SNX13: variants seen among roughly 807,000 people sequenced by gnomAD.
SNX13 encodes the protein sorting nexin 13.
In SNX13, 45 loss-of-function variants were observed where a neutral mutation model predicts 133.6. The observed-to-expected ratio is 0.34, with a 90% CI of 0.27 to 0.43. SNX13 has a LOEUF of 0.43. Ranked by LOEUF, SNX13 falls within the 20% of genes least tolerant of loss-of-function variation. SNX13 has a pLI of 1.00. For synonymous variants in SNX13, 414 were observed against 373.9 expected (o/e 1.11, Z -1.24); for missense variants, 1,032 against 1,145.1 (o/e 0.90, Z 1.43).
rs567813565 is a variant in SNX13, at chr7:17,908,911, G to A, written c.13-11465C>T. ...TCAGAGGAAGCATCTTGGAAAATGC[G>A]ACACCTAAGATTAGTCTCCAAGAAT... On this transcript the variant is annotated intron_variant, in intron 1 of 25. Transcript: ENST00000428135. 1.4e-4 allele frequency among the ~76,000 whole-genome samples: 21 copies of A among 152,240 alleles called. No homozygotes were observed. In the South Asian group the frequency reaches 4.1e-3, roughly 30 times the overall value.
intron 18 of SNX13, among the ~76,000 whole-genome samples, chr7:17,817,183 A>C (rs1786758386): frequency 6.6e-6 from 1 of 152,232 alleles, no homozygotes; most frequent in African/African-American, 2.4e-5. Flanking sequence ...TCTAGCACTT[A>C]TGGACTTAAC....
chr7:17,901,476 G>A (rs543271764), intron 1 of SNX13, among the ~76,000 whole-genome samples: 1 of 152,264 alleles, frequency 6.6e-6, no homozygotes, highest in East Asian at 1.9e-4. Context: ...GCTGGACTCA[G>A]GTTCCAACCA....
intron 18 of SNX13, among the ~76,000 whole-genome samples, chr7:17,817,081 T>C (rs1369033651): frequency 6.6e-6 from 1 of 152,194 alleles, no homozygotes; most frequent in Admixed American, 6.5e-5. Flanking sequence ...CATAAACTCA[T>C]AGATTACACT....
At chr7:17,914,579 A>G (rs1216061998) in intron 1 of SNX13, among the ~76,000 whole-genome samples, 1 of 152,222 alleles carries the variant, frequency 6.6e-6, no homozygotes, top group Non-Finnish European at 1.5e-5. Flanking sequence ...CATTTTAAGC[A>G]TTCTTAAAGA....
intron 15 of SNX13, chr7:17,832,580 C>T (rs548072075): frequency 1.5e-6 from 1 of 678,928 alleles, no homozygotes; most frequent in Non-Finnish European, 1.8e-6. Flanking sequence ...GACAGAGCTG[C>T]TATTGCAAAT....
intron 15 of SNX13, chr7:17,832,470 C>A (rs1524776): frequency 0.53 from 522,393 of 982,122 alleles, 141,994 homozygotes; most frequent in African/African-American, 0.79. Flanking sequence ...TCTGAGTCAC[C>A]TAGCAAATCC....
chr7:17,816,919 G>T (rs10247149), intron 18 of SNX13, among the ~76,000 whole-genome samples: 1 of 151,976 alleles, frequency 6.6e-6, no homozygotes, highest in South Asian at 2.1e-4. Context: ...ATAATAAAAG[G>T]TTTTAAAAAA....
chr7:17,830,609 T>A, intron 15 of SNX13: 3 of 984,140 alleles, frequency 3.0e-6, no homozygotes, highest in Non-Finnish European at 3.6e-6. Flanking sequence ...AAACTGCATA[T>A]GCAATTCCAT....
In SNX13 at chr7:17,805,254, T is replaced by TGCGCGCGC. The variant is rs56000068; in HGVS notation, c.2065-1682_2065-1675dup. Among the ~76,000 whole-genome samples, 166 of 132,514 alleles carry TGCGCGCGC rather than the reference T, an allele frequency of 1.3e-3. 2 individuals carry two copies. The highest frequency in any genetic ancestry group is 2.3e-3 in the African/African-American group (84 of 37,222). 86.9% of individuals were successfully genotyped at this position (132,514 alleles called of 152,430 possible). On this transcript the variant is annotated intron_variant, in intron 20 of 25. Transcript: ENST00000428135. ...GTGTGTGTGTGTGTGTGTGTGTGCGTGCGCGCGCGCGCATGCATGCACATG... is the reference window on the plus strand; with the variant it reads ...GTGTGTGTGTGTGTGTGTGTGTGCGTGCGCGCGCGCGCGCGCGCGCATGCATGCACATG...
chr7:17,858,072 C>G (rs1011605364), intron 9 of SNX13, among the ~76,000 whole-genome samples: 2 of 152,094 alleles, frequency 1.3e-5, no homozygotes, highest in African/African-American at 4.8e-5. Flanking sequence ...CAGTTAACAT[C>G]ATATTGAGTG....
chr7:17,842,672 T>C (rs1364108426), intron 12 of SNX13, among the ~76,000 whole-genome samples: 1 of 152,076 alleles, frequency 6.6e-6, no homozygotes, highest in Non-Finnish European at 1.5e-5. Context: ...CCAGAAATAT[T>C]GTACTTTGTT....
intron 18 of SNX13, among the ~76,000 whole-genome samples, chr7:17,820,324 A>G (rs928867087): frequency 6.6e-6 from 1 of 152,166 alleles, no homozygotes; most frequent in Non-Finnish European, 1.5e-5. Flanking sequence ...GGATGGGAAT[A>G]AAAAGATATA....
intron 1 of SNX13, among the ~76,000 whole-genome samples, chr7:17,930,670 C>A (rs997791036): frequency 6.6e-6 from 1 of 152,138 alleles, no homozygotes; most frequent in Non-Finnish European, 1.5e-5. Context: ...ATTTCAGTTT[C>A]TTTTCCTGTA....
intron 12 of SNX13, among the ~76,000 whole-genome samples, chr7:17,842,990 A>G (rs1790081161): frequency 6.6e-6 from 1 of 152,112 alleles, no homozygotes; most frequent in South Asian, 2.1e-4. Flanking sequence ...AAAAAAATCA[A>G]CTAAATACAA....
chr7:17,879,698 G>A (rs1795125731), intron 5 of SNX13: 1 of 152,216 alleles, frequency 6.6e-6, no homozygotes, highest in Admixed American at 6.5e-5. Flanking sequence ...ATTCTAAGCA[G>A]TGTACAGCTC....
chr7:17,925,578 A>T (rs953697620), intron 1 of SNX13, among the ~76,000 whole-genome samples: 1 of 152,212 alleles, frequency 6.6e-6, no homozygotes, highest in Non-Finnish European at 1.5e-5. Flanking sequence ...TAAGTAATTT[A>T]AAAAATAAGG....
intron 22 of SNX13, among the ~76,000 whole-genome samples, chr7:17,800,055 T>A (rs960331128): frequency 6.6e-6 from 1 of 151,662 alleles, no homozygotes; most frequent in African/African-American, 2.4e-5. Context: ...TCAAAACCAG[T>A]AGGGAGAGGG....
At position 17,937,700 on chromosome 7, in the gene SNX13, C is replaced by T. The variant is rs370604349; in HGVS notation, c.12+2584G>A. On this transcript the variant is annotated intron_variant, in intron 1 of 25. Coordinates refer to ENST00000428135, the MANE Select transcript of SNX13 (RefSeq NM_015132.5). ...AAGAAAATTAATGATGCATTCCACA[C>T]TGAGTCATAAAAAGCACACAATGTG... Among the ~76,000 whole-genome samples the T allele has an allele frequency of 1.1e-4, 17 of 152,210 alleles. No individual in the cohort carries two copies. In the East Asian group the frequency reaches 2.9e-3, roughly 26 times the overall value.
chr7:17,803,159 C>A (rs1301434257), intron 21 of SNX13, among the ~76,000 whole-genome samples: 2 of 152,082 alleles, frequency 1.3e-5, no homozygotes, highest in Non-Finnish European at 2.9e-5. Flanking sequence ...AGAATGTTAA[C>A]TTTACTAATT....
Sources: allele counts gnomAD v4.1 joint callset (sites outside exome capture counted in the v4.1 genomes callset), GRCh38; gene constraint gnomAD v4.1.1; transcripts MANE v1.5; gene names NCBI Gene and HGNC (gene_info 2026-07-23, HGNC 2026-07-21).